The following TMC1 variants were observed in gnomAD, a reference collection of about 807,000 sequenced individuals.
TMC1 encodes the protein transmembrane channel like 1, also known as transmembrane channel-like protein 1.
A neutral mutation model predicts 105.8 loss-of-function variants in TMC1; 84 were observed. The observed-to-expected ratio is 0.79, with a 90% confidence interval of 0.67 to 0.95. The LOEUF is 0.95. TMC1 is among the 40% of genes least tolerant of loss of function. TMC1 has a pLI of 0.00. For synonymous variants in TMC1, 315 were observed against 311.5 expected (o/e 1.01, Z -0.12); for missense variants, 817 against 914.1 (o/e 0.89, Z 1.37).
At chr9:72,819,760 G>A (rs974143227) in intron 19 of TMC1, among the ~76,000 whole-genome samples, 2 of 152,166 alleles carry the variant, frequency 1.3e-5, no homozygotes, top group African/African-American at 4.8e-5. Flanking sequence ...TATTCAGGGA[G>A]TACAAAATGC....
intron 2 of TMC1, among the ~76,000 whole-genome samples, chr9:72,597,733 A>G (rs772722491): frequency 7.2e-5 from 11 of 152,216 alleles, no homozygotes; most frequent in Non-Finnish European, 1.2e-4. Context: ...AATAATAACA[A>G]TAACAACCGC....
chr9:72,703,870 A>G (rs1826686119), intron 8 of TMC1, among the ~76,000 whole-genome samples: 1 of 152,228 alleles, frequency 6.6e-6, no homozygotes, highest in South Asian at 2.1e-4. Flanking sequence ...AGCTGGTGCC[A>G]TGGCCGGGGC....
intron 1 of TMC1, among the ~76,000 whole-genome samples, chr9:72,571,786 C>G (rs763869440): frequency 2.6e-4 from 40 of 151,306 alleles, no homozygotes; most frequent in Non-Finnish European, 5.2e-4. Context: ...AATTTGCTTT[C>G]TTTAGAAGCA....
chr9:72,763,876 G>C (rs909183458), intron 12 of TMC1, among the ~76,000 whole-genome samples: 3 of 152,066 alleles, frequency 2.0e-5, no homozygotes, highest in African/African-American at 7.2e-5. Flanking sequence ...GTAATCAACA[G>C]ACTGTAGACG....
chr9:72,752,631 C>T (rs565856422), intron 11 of TMC1, among the ~76,000 whole-genome samples: 4 of 152,264 alleles, frequency 2.6e-5, no homozygotes, highest in African/African-American at 9.6e-5. Flanking sequence ...AGAGCCTTCA[C>T]TCATATGAAG....
At chr9:72,645,621 G>T (rs749124252) in intron 4 of TMC1, among the ~76,000 whole-genome samples, 43 of 152,136 alleles carry the variant, frequency 2.8e-4, no homozygotes, top group Non-Finnish European at 6.0e-4. Context: ...GCAGAAAAAC[G>T]TCTGGCAAAG....
At chr9:72,727,097 G>A (rs531154715) in intron 8 of TMC1, among the ~76,000 whole-genome samples, 147 of 152,282 alleles carry the variant, frequency 9.7e-4, no homozygotes, top group African/African-American at 3.4e-3. Context: ...GATTCATGGT[G>A]GAAATGTCTC....
chr9:72,794,127 A>C (rs1007943654), intron 17 of TMC1, among the ~76,000 whole-genome samples: 1 of 151,054 alleles, frequency 6.6e-6, no homozygotes, highest in Non-Finnish European at 1.5e-5. Flanking sequence ...GCTCGGACCC[A>C]CAACATAGAA....
At chr9:72,561,554 A>G (rs1824051336) in intron 1 of TMC1, among the ~76,000 whole-genome samples, 1 of 152,172 alleles carries the variant, frequency 6.6e-6, no homozygotes, top group African/African-American at 2.4e-5. Flanking sequence ...TCCACAAACA[A>G]CAGTAGACAC....
chr9:72,742,677 T>C, intron 10 of TMC1, 152 bp downstream of exon 10: 1 of 744,914 alleles, frequency 1.3e-6, no homozygotes, highest in Non-Finnish European at 2.3e-6. Flanking sequence ...ACTTTGTTTA[T>C]GCCTGCTTTC....
chr9:72,627,396 G>T (rs1825366750), intron 3 of TMC1, among the ~76,000 whole-genome samples: 1 of 152,112 alleles, frequency 6.6e-6, no homozygotes, highest in African/African-American at 2.4e-5. Flanking sequence ...TGAATGGGTT[G>T]CTAGGAGGCT....
chr9:72,557,516 TAAAC>T (rs1823963397), intron 1 of TMC1, among the ~76,000 whole-genome samples: 1 of 152,198 alleles, frequency 6.6e-6, no homozygotes, highest in African/African-American at 2.4e-5. Flanking sequence ...TTACAATCAT[TAAAC>T]AAAGAAATGA....
chr9:72,686,755 A>C (rs148992368), intron 5 of TMC1, among the ~76,000 whole-genome samples: 1,589 of 152,288 alleles, frequency 0.01, 28 homozygotes, highest in African/African-American at 0.036. Context: ...CCATGCACAG[A>C]CCAGAATCAC....
At chr9:72,741,443 C>G (rs1190220228) in intron 9 of TMC1, 2 of 379,482 alleles carry the variant, frequency 5.3e-6, no homozygotes, top group Non-Finnish European at 1.0e-5. Flanking sequence ...GAATGTTGTA[C>G]CCAGACAAAG....
intron 8 of TMC1, among the ~76,000 whole-genome samples, chr9:72,725,325 GTATATA>G (rs57562145): frequency 0.024 from 1,879 of 77,658 alleles, 46 homozygotes; most frequent in African/African-American, 0.059. Context: ...ATGTGTGTAT[GTATATA>G]TATATATATA....
In TMC1 at chr9:72,830,441, TTTAA is replaced by T. The variant is rs1413202578; in HGVS notation, c.2130-7_2130-4del. 6.2e-7 allele frequency: 1 copy of T among 1,603,562 alleles called. No homozygotes were observed. The highest frequency in any genetic ancestry group is 8.5e-7 in the Non-Finnish European group (1 of 1,171,178). On this transcript the variant is annotated splice_polypyrimidine_tract_variant and splice_region_variant and intron_variant, in intron 21 of 23. Transcript: ENST00000297784. ...TACCTTACACTGTATTTTTTTTCTTTTTAATTTAGTTTGGCCATCTATTATCTCA... is the reference window on the plus strand; with the variant it reads ...TACCTTACACTGTATTTTTTTTCTTTTTTAGTTTGGCCATCTATTATCTCA...
intron 5 of TMC1, among the ~76,000 whole-genome samples, chr9:72,685,552 C>T (rs7865988): frequency 0.012 from 1,851 of 151,838 alleles, 43 homozygotes; most frequent in African/African-American, 0.043. Context: ...GTAGTAGAGG[C>T]GGGGTTTCAC....
At chr9:72,803,444 C>A (rs1453933740) in intron 17 of TMC1, among the ~76,000 whole-genome samples, 2 of 152,160 alleles carry the variant, frequency 1.3e-5, no homozygotes, top group South Asian at 2.1e-4. Context: ...AGTGAACAGA[C>A]AACCTACAGA....
chr9:72,560,024 C>T (rs903730883), intron 1 of TMC1, among the ~76,000 whole-genome samples: 6 of 152,166 alleles, frequency 3.9e-5, no homozygotes, highest in African/African-American at 1.4e-4. Context: ...GAAGGAGCCT[C>T]TGGGCCTGAT....
Sources: allele counts gnomAD v4.1 joint callset (sites outside exome capture counted in the v4.1 genomes callset), GRCh38; gene constraint gnomAD v4.1.1; transcripts MANE v1.5; gene names NCBI Gene and HGNC (gene_info 2026-07-23, HGNC 2026-07-21).